The following BTAF1 variants were observed in gnomAD, a reference collection of about 807,000 sequenced individuals.
BTAF1 encodes the protein B-TFIID TATA-box binding protein associated factor 1, also known as TATA-binding protein-associated factor 172.
In BTAF1, 38 loss-of-function variants were observed where a neutral mutation model predicts 227.1. The ratio of observed to expected loss-of-function variants is 0.17; its 90% CI spans 0.13 to 0.22. The LOEUF (loss-of-function observed/expected upper bound fraction) is 0.22, where lower values mean the gene tolerates loss of function less well. BTAF1 is among the 10% of genes least tolerant of loss of function. BTAF1 has a pLI of 1.00. For missense variants in BTAF1, 1,598 were observed against 2,204.0 expected (o/e 0.73, Z 5.51); for synonymous variants, 742 against 751.9 (o/e 0.99, Z 0.21).
At chr10:91,932,332 A>G (rs1844325966) in intron 1 of BTAF1, among the ~76,000 whole-genome samples, 1 of 152,226 alleles carries the variant, frequency 6.6e-6, no homozygotes, top group Admixed American at 6.5e-5. Context: ...CAGTTACTGA[A>G]ACATTACATT....
chr10:91,963,418 CAA>C (rs71025375), intron 12 of BTAF1, among the ~76,000 whole-genome samples: 13 of 127,138 alleles, frequency 1.0e-4, no homozygotes, highest in Admixed American at 3.1e-4. Context: ...GACTCCGTCT[CAA>C]AAAAAAAAAA....
intron 14 of BTAF1, among the ~76,000 whole-genome samples, chr10:91,975,496 C>T (rs1350206368): frequency 6.6e-5 from 10 of 152,158 alleles, no homozygotes; most frequent in Non-Finnish European, 4.4e-5. Flanking sequence ...TAGAACAAGG[C>T]ATTATAAACT....
rs544305436 is a variant in BTAF1, at chr10:92,024,734, T to G, written c.4864-22T>G. The G allele has an allele frequency of 7.5e-5, 115 of 1,529,514 alleles. No homozygotes were observed. The African/African-American group carries it at 1.6e-3, about 21-fold the overall frequency. 94.7% of individuals were successfully genotyped at this position (1,529,514 alleles called of 1,614,324 possible). ...TGCTTTTATTGAACGCTTATGTAGT[T>G]TTTTTTTTTTTTCTTCCTAAGTTGC... is the stretch of plus-strand genomic sequence containing the variant. On this transcript the variant is annotated intron_variant, in intron 34 of 37. Coordinates refer to ENST00000265990, the MANE Select transcript of BTAF1 (RefSeq NM_003972.3).
chr10:91,962,412 T>C lies in BTAF1; in HGVS notation c.1264-126T>C, dbSNP rs1846591640. 5 of 601,828 alleles carry C rather than the reference T, an allele frequency of 8.3e-6. No homozygotes were observed. In the South Asian group the frequency reaches 1.3e-4, roughly 16 times the overall value. The allele number at this position is 601,828 out of a possible 1,614,324, so 37.3% of individuals were successfully genotyped here. Reference sequence around the variant, plus strand: ...GATGTATTTCTCAGAATGTATCCATTGTTAAGCAGTGCATGACTATAAATA... The same window carrying C: ...GATGTATTTCTCAGAATGTATCCATCGTTAAGCAGTGCATGACTATAAATA... On this transcript the variant is annotated intron_variant, in intron 11 of 37. Transcript: ENST00000265990.
At chr10:91,962,448 G>T in intron 11 of BTAF1, 90 bp from the exon 12 acceptor site, 1 of 871,950 alleles carries the variant, frequency 1.1e-6, no homozygotes, top group Non-Finnish European at 1.7e-6. Flanking sequence ...TTGGAATTTA[G>T]CTGTCATGTG....
chr10:91,973,493 A>G (rs1352308313), intron 14 of BTAF1, among the ~76,000 whole-genome samples: 1 of 152,140 alleles, frequency 6.6e-6, no homozygotes, highest in Non-Finnish European at 1.5e-5. Flanking sequence ...TAATTGTGAT[A>G]ATAATAATCT....
In BTAF1 at chr10:91,984,259, A is replaced by G. The variant is rs773286957; in HGVS notation, c.2282A>G (p.His761Arg). 4 of 1,613,868 alleles carry G rather than the reference A, an allele frequency of 2.5e-6. No individual in the cohort carries two copies. Among genetic ancestry groups the G allele is most frequent in the Non-Finnish European group, 3.4e-6 (4 of 1,179,960 alleles). Residue 761 changes from histidine (H) to arginine (R), a missense_variant, in exon 19 of 38, where the codon CAT (histidine) becomes CGT (arginine). Transcript: ENST00000265990. ...QPRLLDILSE[H>R]LYYDEIAVPF... is the part of the protein sequence containing the mutation. ...CGTTTACTTGATATCCTTTCAGAACATTTATATTATGACGAAATTGCCGTT... is the reference window on the plus strand; with the variant it reads ...CGTTTACTTGATATCCTTTCAGAACGTTTATATTATGACGAAATTGCCGTT...
intron 20 of BTAF1, among the ~76,000 whole-genome samples, chr10:91,991,838 C>CACACAT (rs1554860585): frequency 3.4e-4 from 49 of 145,956 alleles, no homozygotes; most frequent in African/African-American, 1.2e-3. Context: ...TATATACACA[C>CACACAT]ATATATACAC....
chr10:92,016,371 G>A lies in BTAF1; in HGVS notation c.4616G>A (p.Arg1539His), dbSNP rs766056138. The A allele has an allele frequency of 8.8e-6, 14 of 1,598,808 alleles. No homozygotes were observed. Among genetic ancestry groups the A allele is most frequent in the Admixed American group, 1.7e-5 (1 of 57,396 alleles). Residue 1539 changes from arginine (R) to histidine (H), a missense_variant, in exon 33 of 38, where the codon CGT (arginine) becomes CAT (histidine). This residue lies in a region of BTAF1 where 205 missense variants were observed against 244.5 expected (regional missense o/e 0.84). Transcript: ENST00000265990. ...VQLYEDFAKS[R>H]AKCDVDETVS... is the part of the protein sequence containing the mutation. The stretch of plus-strand genomic sequence containing the variant: ...CTCTATGAAGATTTTGCTAAGTCTC[G>A]TGCCAAGTGTGATGTTGATGAAACA...
chr10:91,927,876 C>T (rs979075435), intron 1 of BTAF1, among the ~76,000 whole-genome samples: 2 of 151,920 alleles, frequency 1.3e-5, no homozygotes, highest in Non-Finnish European at 2.9e-5. Context: ...CAACATTGTT[C>T]TCTACTCCTA....
At chr10:91,991,556 G>C (rs1171063742) in intron 20 of BTAF1, among the ~76,000 whole-genome samples, 2 of 151,026 alleles carry the variant, frequency 1.3e-5, no homozygotes, top group South Asian at 4.2e-4. Flanking sequence ...TTTGAGACCA[G>C]CCTGGGCAAC....
Position 91,956,482 on chromosome 10 carries a change from A to G in BTAF1, c.702-46A>G, listed in dbSNP as rs746655145. 4 of 1,546,736 alleles carry G rather than the reference A, an allele frequency of 2.6e-6. No individual in the cohort carries two copies. In the East Asian group the frequency reaches 9.3e-5, roughly 36 times the overall value. On this transcript the variant is annotated intron_variant, in intron 6 of 37. Coordinates refer to ENST00000265990, the MANE Select transcript of BTAF1 (RefSeq NM_003972.3). Reference sequence around the variant, plus strand: ...TTATTCATTTCATTCATTGTGGTTCACATTACGCTTTATTCATTTTCTAAA... The same window carrying G: ...TTATTCATTTCATTCATTGTGGTTCGCATTACGCTTTATTCATTTTCTAAA...
chr10:91,991,797 G>GTGTGTGTGTATATATATATA (rs1554860529), intron 20 of BTAF1, among the ~76,000 whole-genome samples: 1 of 10,008 alleles, frequency 1.0e-4, no homozygotes, highest in African/African-American at 1.8e-4. Context: ...GTGTGTGTGT[G>GTGTGTGTGTATATATATATA]TATATATATA....
At chr10:92,027,972 G>A (rs559710141) in intron 37 of BTAF1, among the ~76,000 whole-genome samples, 25 of 152,222 alleles carry the variant, frequency 1.6e-4, no homozygotes, top group East Asian at 7.7e-4. Context: ...AGAGAAAATC[G>A]TTCTGCCATA....
At chr10:92,008,053 G>A in intron 25 of BTAF1, 70 bp from the exon 26 acceptor site, 1 of 1,330,690 alleles carries the variant, frequency 7.5e-7, no homozygotes, top group Non-Finnish European at 1.0e-6. Context: ...TGTTTGTTTT[G>A]TGTTTATTTG....
At chr10:91,930,832 ATAAC>A (rs1218964133) in intron 1 of BTAF1, among the ~76,000 whole-genome samples, 4 of 152,236 alleles carry the variant, frequency 2.6e-5, no homozygotes, top group Admixed American at 1.3e-4. Context: ...TAAAAAATGT[ATAAC>A]TAAATGGCTA....
Position 91,950,154 on chromosome 10 carries a change from G to GT in BTAF1, c.401-1249_401-1248insT, listed in dbSNP as rs1554851577. Among the ~76,000 whole-genome samples, 6 of 90,202 alleles carry GT rather than the reference G, an allele frequency of 6.7e-5. 1 individual carries two copies. Among genetic ancestry groups the GT allele is most frequent in the Admixed American group, 1.2e-4 (1 of 8,224 alleles). The allele number at this position is 90,202 out of a possible 152,430, so 59.2% of individuals were successfully genotyped here. On this transcript the variant is annotated intron_variant, in intron 4 of 37. Coordinates refer to ENST00000265990, the MANE Select transcript of BTAF1 (RefSeq NM_003972.3). Reference sequence around the variant, plus strand: ...TGAGAGACCTTGTCCTTTGTGGGGGGGGGCGGGAAAGAAGACTAGGTTTTT... The same window carrying GT: ...TGAGAGACCTTGTCCTTTGTGGGGGGTGGGCGGGAAAGAAGACTAGGTTTTT...
intron 14 of BTAF1, among the ~76,000 whole-genome samples, chr10:91,975,003 C>T (rs972990992): frequency 2.0e-5 from 3 of 152,124 alleles, no homozygotes; most frequent in Admixed American, 6.5e-5. Context: ...TGTGTTTGTA[C>T]GTGCTAGAGT....
At chr10:91,989,911 G>C in intron 20 of BTAF1, among the ~76,000 whole-genome samples, 1 of 152,192 alleles carries the variant, frequency 6.6e-6, no homozygotes, top group East Asian at 1.9e-4. Flanking sequence ...AAAGGTAATT[G>C]TATCAAATGT....
Sources: gnomAD v4.1 joint callset for allele counts (sites outside exome capture counted in the v4.1 genomes callset) on GRCh38, gnomAD v4.1.1 for gene constraint, gnomAD v4.1.1 regional missense constraint, MANE v1.5 for transcripts, NCBI Gene and HGNC (gene_info 2026-07-23, HGNC 2026-07-21) for gene names.